SP1: variants seen among roughly 807,000 people sequenced by gnomAD.
SP1 encodes Sp1 transcription factor.
SP1 carries 6 observed loss-of-function variants against 66.3 expected under a neutral mutation model. The observed-to-expected ratio is 0.09, with a 90% confidence interval of 0.05 to 0.18. The LOEUF is 0.18. Ranked by LOEUF, SP1 falls within the 10% of genes least tolerant of loss-of-function variation. SP1 has a pLI of 1.00. For synonymous variants in SP1, 417 were observed against 360.8 expected, an observed-to-expected ratio of 1.16 and a Z score of -1.77; for missense variants, 848 against 964.5, an observed-to-expected ratio of 0.88 and a Z score of 1.60.
intron 3 of SP1, among the ~76,000 whole-genome samples, chr12:53,387,996 AATG>A (rs1221239975): frequency 1.3e-5 from 2 of 152,164 alleles, no homozygotes; most frequent in African/African-American, 4.8e-5. Context: ...AAAAAAAAAA[AATG>A]TATTCGAAAA....
At chr12:53,408,393 C>T (rs1375225078) in intron 4 of SP1, among the ~76,000 whole-genome samples, 3 of 150,766 alleles carry the variant, frequency 2.0e-5, no homozygotes, top group Non-Finnish European at 3.0e-5. Flanking sequence ...TGTGCCACCA[C>T]GCCTGGCTAA....
chr12:53,382,463 G>C lies in SP1; in HGVS notation c.516G>C (p.Gln172His). ...TGLPGVMPNI[Q>H]YQVIPQFQTV... ...TACCTGGAGTGATGCCTAATATTCA[G>C]TATCAAGTAATCCCACAGTTCCAGA... The change falls in exon 3 of 6, where the codon CAG (glutamine) becomes CAC (histidine). Residue 172 changes from glutamine to histidine, a missense_variant. Gln to His is a conservative substitution (Grantham distance 24). Coordinates refer to ENST00000327443, the MANE Select transcript of SP1 (RefSeq NM_138473.3). The C allele has an allele frequency of 6.2e-7, 1 of 1,614,194 alleles. No homozygotes were observed. Among genetic ancestry groups the C allele is most frequent in the Non-Finnish European group, 8.5e-7 (1 of 1,180,040 alleles).
chr12:53,388,047 CAG>C (rs750116792), intron 3 of SP1, among the ~76,000 whole-genome samples: 20 of 151,858 alleles, frequency 1.3e-4, no homozygotes, highest in Non-Finnish European at 2.6e-4. Context: ...CTAAAACTGA[CAG>C]ATGTTTATAA....
chr12:53,404,872 G>A (rs1420091902), intron 3 of SP1, among the ~76,000 whole-genome samples: 1 of 152,056 alleles, frequency 6.6e-6, no homozygotes, highest in Non-Finnish European at 1.5e-5. Flanking sequence ...GTCTCGCTCT[G>A]TCGGCCAGGC....
rs1225172389 is a variant in SP1, at chr12:53,381,667, C to G, written c.16C>G (p.His6Asp). The change falls in exon 2 of 6, where the codon CAC becomes GAC. Residue 6 changes from histidine to aspartate, a missense_variant. This residue lies in a region of SP1 where 84 missense variants were observed against 73.9 expected (regional missense o/e 1.14). Transcript: ENST00000327443. MSDQDHSMDEMTAVVK... is the reference protein window; with the variant it reads MSDQDDSMDEMTAVVK... Reference sequence around the variant, plus strand: ...TTTTTTAATTATTTTAGACCAAGATCACTCCATGGATGAAATGACAGCTGT... The same window carrying G: ...TTTTTTAATTATTTTAGACCAAGATGACTCCATGGATGAAATGACAGCTGT... 6.2e-7 allele frequency: 1 copy of G among 1,607,416 alleles called. No individual in the cohort carries two copies. The highest frequency in any genetic ancestry group is 8.5e-7 in the Non-Finnish European group (1 of 1,177,638).
chr12:53,400,643 G>C (rs985912349), intron 3 of SP1, among the ~76,000 whole-genome samples: 1 of 151,822 alleles, frequency 6.6e-6, no homozygotes, highest in Non-Finnish European at 1.5e-5. Context: ...GCCCAGGCTG[G>C]AGTGGTACGC....
intron 2 of SP1, 129 bp downstream of exon 2, chr12:53,381,942 T>C: frequency 8.2e-7 from 1 of 1,221,996 alleles, no homozygotes; most frequent in Non-Finnish European, 1.1e-6. Flanking sequence ...AGTAAGAGAA[T>C]GGAGATCCCC....
chr12:53,416,011 G>C lies in SP1; in HGVS notation c.*4771G>C, dbSNP rs1938988929. ...GGGCCTGCTTCCCCTTCCTAAGTCT[G>C]TCATCCTCTGGAAGGGATGGGTGGT... On this transcript the variant is annotated 3_prime_UTR_variant, in exon 6 of 6. Transcript: ENST00000327443. 2 of 152,698 alleles carry C rather than the reference G, an allele frequency of 1.3e-5. No homozygotes were observed. Among genetic ancestry groups the C allele is most frequent in the Non-Finnish European group, 2.9e-5 (2 of 68,120 alleles). 9.5% of individuals were successfully genotyped at this position (152,698 alleles called of 1,614,324 possible). A position where few individuals can be genotyped will look rare whatever the true frequency, so the allele number is the denominator to read the frequency against.
chr12:53,410,072 C>T (rs766242836), intron 5 of SP1, among the ~76,000 whole-genome samples: 2 of 150,716 alleles, frequency 1.3e-5, no homozygotes, highest in African/African-American at 4.9e-5. Flanking sequence ...TTTGGGAGGC[C>T]GAGGTGGGTG....
intron 3 of SP1, 48 bp downstream of exon 3, chr12:53,383,670 G>A (rs775158644): frequency 1.4e-5 from 20 of 1,475,782 alleles, no homozygotes; most frequent in South Asian, 5.0e-5. Flanking sequence ...CTCTAGCATC[G>A]TAGCTGAAAC....
chr12:53,407,469 C>T (rs192258235), intron 4 of SP1, among the ~76,000 whole-genome samples: 3 of 149,294 alleles, frequency 2.0e-5, no homozygotes, highest in East Asian at 2.0e-4. Flanking sequence ...GGACTACAGG[C>T]GTGTGCCACC....
chr12:53,381,638 T>C (rs749880500), intron 1 of SP1, 21 bp from the exon 2 acceptor site: 7 of 1,589,776 alleles, frequency 4.4e-6, no homozygotes, highest in Non-Finnish European at 4.3e-6. Context: ...GTTTACGTTG[T>C]TTGTTTTTTA....
At position 53,413,134 on chromosome 12, in the gene SP1, G is replaced by A. The variant is rs891140802; in HGVS notation, c.*1894G>A. 2.6e-5 allele frequency: 4 copies of A among 152,722 alleles called. No individual in the cohort carries two copies. The highest frequency in any genetic ancestry group is 5.9e-5 in the Non-Finnish European group (4 of 68,024). 9.5% of individuals were successfully genotyped at this position (152,722 alleles called of 1,614,324 possible). ...CAGATGACAAATTATATTTGAAATC[G>A]TTGGAAAATAAATTCAGATCAAAAT... On this transcript the variant is annotated 3_prime_UTR_variant, in exon 6 of 6. Coordinates refer to ENST00000327443, the MANE Select transcript of SP1 (RefSeq NM_138473.3).
chr12:53,408,498 G>C (rs1938802154), intron 4 of SP1, among the ~76,000 whole-genome samples: 2 of 151,446 alleles, frequency 1.3e-5, no homozygotes, highest in South Asian at 4.2e-4. Flanking sequence ...CGCCATGTTG[G>C]CCAGGCTGGT....
chr12:53,404,952 G>C (rs1479192361), intron 3 of SP1, among the ~76,000 whole-genome samples: 1 of 152,098 alleles, frequency 6.6e-6, no homozygotes, highest in Non-Finnish European at 1.5e-5. Flanking sequence ...TCCTGTCTCA[G>C]CCTCCCGAAT....
At chr12:53,381,374 C>T (rs1938093845) in intron 1 of SP1, 2 of 249,200 alleles carry the variant, frequency 8.0e-6, no homozygotes, top group Admixed American at 5.4e-5. Flanking sequence ...AAACTCTCAC[C>T]ATGCCTACCG....
chr12:53,394,598 A>G (rs893688889), intron 3 of SP1, among the ~76,000 whole-genome samples: 72 of 84,266 alleles, frequency 8.5e-4, no homozygotes, highest in Middle Eastern at 5.6e-3. Context: ...TTTTTTTTGG[A>G]GATAAGGTCT....
chr12:53,396,669 T>C (rs1008366194), intron 3 of SP1, among the ~76,000 whole-genome samples: 1 of 152,220 alleles, frequency 6.6e-6, no homozygotes, highest in African/African-American at 2.4e-5. Context: ...CTTAGTGTAC[T>C]TGAGAGGAGA....
intron 1 of SP1, 68 bp downstream of exon 1, chr12:53,380,366 G>T (rs951912339): frequency 1.4e-5 from 19 of 1,316,030 alleles, no homozygotes; most frequent in Non-Finnish European, 1.9e-5. Context: ...AGGGCCGACC[G>T]GGCGATCCCC....
Sources: allele counts gnomAD v4.1 joint callset (sites outside exome capture counted in the v4.1 genomes callset), GRCh38; gene constraint gnomAD v4.1.1; regional missense constraint gnomAD v4.1.1; transcripts MANE v1.5; gene names NCBI Gene and HGNC (gene_info 2026-07-23, HGNC 2026-07-21).